Variants in QSOX2 observed in about 807,000 individuals in gnomAD.
QSOX2 encodes the protein sulfhydryl oxidase 2.
Under a neutral mutation model 61.7 loss-of-function variants are expected in QSOX2, and 46 were observed. The ratio of observed to expected loss-of-function variants is 0.75; its 90% confidence interval spans 0.59 to 0.95. QSOX2 has a LOEUF of 0.95. Ranked by LOEUF, QSOX2 falls within the 40% of genes least tolerant of loss-of-function variation. The pLI, the probability that QSOX2 is intolerant of heterozygous loss-of-function variation, is 0.00. For synonymous variants in QSOX2, 383 were observed against 388.4 expected (o/e 0.99, Z 0.16); for missense variants, 879 against 918.9 (o/e 0.96, Z 0.56).
At chr9:136,243,949 T>G (rs74334220) in intron 1 of QSOX2, among the ~76,000 whole-genome samples, 5 of 152,116 alleles carry the variant, frequency 3.3e-5, no homozygotes, top group Non-Finnish European at 5.9e-5. Flanking sequence ...GGAGGGGCCT[T>G]CCTTCTGAGC....
At position 136,209,938 on chromosome 9, in the gene QSOX2, C is replaced by G. The variant is rs1831825610; in HGVS notation, c.1550-663G>C. 1.0e-6 allele frequency: 1 copy of G among 985,294 alleles called. No individual in the cohort carries two copies. 61.0% of individuals were successfully genotyped at this position (985,294 alleles called of 1,614,324 possible). A position where few individuals can be genotyped will look rare whatever the true frequency, so the allele number is the denominator to read the frequency against. ...CAGAAGCTGCGGCGCACGGCGCCTC[C>G]TAGCTCTCGGAGCCCCTGCGACCCG... On this transcript the variant is annotated intron_variant, in intron 11 of 11. Transcript: ENST00000358701. The surrounding 1 kb of genome is among the most constrained non-coding windows in gnomAD (Gnocchi z 5.6).
In QSOX2 at chr9:136,245,646, G is replaced by A. The variant is rs782455625; in HGVS notation, c.158C>T (p.Ala53Val). The A allele has an allele frequency of 3.8e-5, 50 of 1,299,070 alleles. 1 individual carries two copies. The South Asian group carries it at 1.1e-3, about 28-fold the overall frequency. The allele number at this position is 1,299,070 out of a possible 1,614,324, so 80.5% of individuals were successfully genotyped here. Reference sequence around the variant, plus strand: ...GTCCTCGCCCGCGCGGTACAGCCGCGCCGCACCGCCCGCGCCCGGCCCCAC... The same window carrying A: ...GTCCTCGCCCGCGCGGTACAGCCGCACCGCACCGCCCGCGCCCGGCCCCAC... Reference protein sequence around the residue: ...AAVGPGAGGAARLYRAGEDAV... With the variant: ...AAVGPGAGGAVRLYRAGEDAV... The change falls in exon 1 of 12, where the codon GCG becomes GTG. Residue 53 changes from alanine to valine, a missense_variant. Physicochemically the swap from Ala to Val is moderately conservative, Grantham distance 64. Coordinates refer to ENST00000358701, the MANE Select transcript of QSOX2 (RefSeq NM_181701.4).
chr9:136,210,348 T>C (rs1257501589), intron 11 of QSOX2: 30 of 985,322 alleles, frequency 3.0e-5, no homozygotes, highest in Non-Finnish European at 3.5e-5. Flanking sequence ...CCCCTTTCTG[T>C]TGCAGTCTCA....
At position 136,211,484 on chromosome 9, in the gene QSOX2, A is replaced by C. The variant is rs2131048871; in HGVS notation, c.1361-32T>G. The C allele has an allele frequency of 3.1e-6, 5 of 1,606,940 alleles. No individual in the cohort carries two copies. The African/African-American group carries it at 4.0e-5, about 13-fold the overall frequency. ...GGGAAGAAACACTGCTGACAACGGC[A>C]GGTGCGTGGGCATCACCTGACCCCA... On this transcript the variant is annotated intron_variant, in intron 10 of 11. Coordinates refer to ENST00000358701, the MANE Select transcript of QSOX2 (RefSeq NM_181701.4).
chr9:136,210,173 G>A (rs1831828362), intron 11 of QSOX2: 1 of 985,370 alleles, frequency 1.0e-6, no homozygotes, highest in Admixed American at 6.1e-5. Flanking sequence ...TTGGTCAGAA[G>A]CTGCCAGAGC....
At position 136,208,932 on chromosome 9, in the gene QSOX2, C is replaced by G; in HGVS notation, c.1893G>C (p.Gly631=). The change falls in exon 12 of 12, where the codon GGG becomes GGC. Residue 631 remains glycine, a synonymous_variant. Transcript: ENST00000358701. Reference sequence around the variant, plus strand: ...CGGGCCCATCCAGACTCTGGAGTTTCCCGTCCAAGCTGTGATGCAAGCTCT... The same window carrying G: ...CGGGCCCATCCAGACTCTGGAGTTTGCCGTCCAAGCTGTGATGCAAGCTCT... ...LPESLHHSLD[G]KLQSLDGPGA... 6.2e-7 allele frequency: 1 copy of G among 1,613,796 alleles called. No individual in the cohort carries two copies. The highest frequency in any genetic ancestry group is 8.5e-7 in the Non-Finnish European group (1 of 1,179,890).
chr9:136,215,873 C>T (rs1831905915), intron 9 of QSOX2, among the ~76,000 whole-genome samples: 2 of 152,224 alleles, frequency 1.3e-5, no homozygotes, highest in South Asian at 4.1e-4. Context: ...AGGGAGATGT[C>T]ACACGTCGCA....
At chr9:136,230,584 G>A (rs1000105364) in intron 1 of QSOX2, among the ~76,000 whole-genome samples, 1 of 152,144 alleles carries the variant, frequency 6.6e-6, no homozygotes, top group African/African-American at 2.4e-5. Flanking sequence ...TTATCACGTC[G>A]GGCCACAAAT....
chr9:136,238,735 A>T (rs1323560851), intron 1 of QSOX2, among the ~76,000 whole-genome samples: 1 of 152,244 alleles, frequency 6.6e-6, no homozygotes, highest in East Asian at 1.9e-4. Flanking sequence ...TTCCCTGCTT[A>T]AAATTGTTCT....
chr9:136,240,415 G>A (rs1830425209), intron 1 of QSOX2, among the ~76,000 whole-genome samples: 1 of 152,184 alleles, frequency 6.6e-6, no homozygotes, highest in Non-Finnish European at 1.5e-5. Flanking sequence ...TTACAGTAAA[G>A]ATAAAACAAT....
chr9:136,215,528 A>G (rs540492665), intron 9 of QSOX2, among the ~76,000 whole-genome samples: 1 of 152,364 alleles, frequency 6.6e-6, no homozygotes, highest in South Asian at 2.1e-4. Context: ...AGGAGCTCTC[A>G]AGCCAATCTC....
In QSOX2 at chr9:136,209,218, C is replaced by T; in HGVS notation, c.1607G>A (p.Cys536Tyr). 6.2e-7 allele frequency: 1 copy of T among 1,614,070 alleles called. No homozygotes were observed. Among genetic ancestry groups the T allele is most frequent in the Non-Finnish European group, 8.5e-7 (1 of 1,180,030 alleles). The change falls in exon 12 of 12, where the codon TGC becomes TAC. Residue 536 changes from cysteine to tyrosine, a missense_variant. By Grantham distance (194) the Cys-to-Tyr change is radical. Transcript: ENST00000358701. This position sits in a 1 kb window ranked among gnomAD's most constrained non-coding sequence, Gnocchi z 5.6. Reference sequence around the variant, plus strand: ...CTTAATTTCCTCATGGCAGGCTGGGCAGAGGTCCGGAGTGGGCCACTGAAG... The same window carrying T: ...CTTAATTTCCTCATGGCAGGCTGGGTAGAGGTCCGGAGTGGGCCACTGAAG... ...PKLQWPTPDL[C>Y]PACHEEIKGL...
At chr9:136,229,320 G>A (rs996368143) in intron 1 of QSOX2, among the ~76,000 whole-genome samples, 17 of 152,306 alleles carry the variant, frequency 1.1e-4, no homozygotes, top group African/African-American at 2.9e-4. Flanking sequence ...CACGGGACGC[G>A]GAAACAGGAG....
chr9:136,211,173 A>G, intron 11 of QSOX2, 91 bp downstream of exon 11: 2 of 1,389,936 alleles, frequency 1.4e-6, no homozygotes, highest in Non-Finnish European at 2.0e-6. Context: ...GCTCAGGGAC[A>G]AGCCCCACGG....
Position 136,221,784 on chromosome 9 carries a change from C to T in QSOX2, c.821+12G>A. 6.3e-7 allele frequency: 1 copy of T among 1,583,096 alleles called. No homozygotes were observed. The highest frequency in any genetic ancestry group is 8.6e-7 in the Non-Finnish European group (1 of 1,162,096). On this transcript the variant is annotated intron_variant, in intron 6 of 11. Transcript: ENST00000358701. This position sits in a 1 kb window ranked among gnomAD's most constrained non-coding sequence, Gnocchi z 4.5. ...GCGGCACGGAGTTCCCAGACCCCAC[C>T]CGGGCACTCACACGTTAATCAATCC...
Position 136,208,660 on chromosome 9 carries a change from G to C in QSOX2, c.*68C>G. 6.7e-7 allele frequency: 1 copy of C among 1,495,722 alleles called. No homozygotes were observed. The highest frequency in any genetic ancestry group is 1.4e-5 in the South Asian group (1 of 71,760). The allele number at this position is 1,495,722 out of a possible 1,614,324, so 92.7% of individuals were successfully genotyped here. A position where few individuals can be genotyped will look rare whatever the true frequency, so the allele number is the denominator to read the frequency against. On this transcript the variant is annotated 3_prime_UTR_variant, in exon 12 of 12. Transcript: ENST00000358701. ...AAAATCCCTGATCATAAATATTAAA[G>C]CTGCAGGTGGCACGGGGCAGGGCTG...
At chr9:136,226,936 C>T in intron 1 of QSOX2, 62 bp from the exon 2 acceptor site, 1 of 1,419,592 alleles carries the variant, frequency 7.0e-7, no homozygotes, top group East Asian at 2.3e-5. Context: ...AGCCCAGGAC[C>T]CAGCAGTCCC....
chr9:136,219,346 G>T (rs1831954157), intron 6 of QSOX2, among the ~76,000 whole-genome samples, 182 bp from the exon 7 acceptor site: 1 of 152,204 alleles, frequency 6.6e-6, no homozygotes, highest in Non-Finnish European at 1.5e-5. Flanking sequence ...CCACCTGGGG[G>T]ATAAGAGGAG....
rs1831978832 is a variant in QSOX2, at chr9:136,221,377, TTCTGCAGAGGTGGGCACGTGGGCTTG to T, written c.821+393_821+418del. On this transcript the variant is annotated intron_variant, in intron 6 of 11. Coordinates refer to ENST00000358701, the MANE Select transcript of QSOX2 (RefSeq NM_181701.4). The surrounding 1 kb of genome is among the most constrained non-coding windows in gnomAD (Gnocchi z 4.5). Reference sequence around the variant, plus strand: ...GCCTGGTGCCCACCCCTACTTCTCATTCTGCAGAGGTGGGCACGTGGGCTTGTCTGCCAGCCCCAGACACAGACCCA... The same window carrying T: ...GCCTGGTGCCCACCCCTACTTCTCATTCTGCCAGCCCCAGACACAGACCCA... Among the ~76,000 whole-genome samples the T allele has an allele frequency of 6.6e-6, 1 of 152,196 alleles. No homozygotes were observed.
Sources: gnomAD v4.1 joint callset for allele counts (sites outside exome capture counted in the v4.1 genomes callset) on GRCh38, gnomAD v4.1.1 for gene constraint, Gnocchi (gnomAD v3.1) non-coding constraint, MANE v1.5 for transcripts, NCBI Gene and HGNC (gene_info 2026-07-23, HGNC 2026-07-21) for gene names.